The following UGT2A1 variants were observed in gnomAD, a reference collection of about 807,000 sequenced individuals.
UGT2A1 encodes UDP-glucuronosyltransferase 2A1.
Under a neutral mutation model 45.4 loss-of-function variants are expected in UGT2A1, and 61 were observed. That is an observed-to-expected ratio of 1.34 (90% CI 1.09 to 1.66). The LOEUF is 1.66. Ranked by LOEUF, UGT2A1 falls within the 40% of genes most tolerant of loss-of-function variation. UGT2A1 has a pLI of 0.00. For missense variants in UGT2A1, 649 were observed against 574.3 expected (o/e 1.13, Z -1.33); for synonymous variants, 229 against 196.2 (o/e 1.17, Z -1.40).
chr4:69,642,983 C>T (rs1037218215), intron 2 of UGT2A1, among the ~76,000 whole-genome samples: 1 of 151,032 alleles, frequency 6.6e-6, no homozygotes, highest in Non-Finnish European at 1.5e-5. Flanking sequence ...ATACCTGGTT[C>T]CATTTTTTGA....
intron 3 of UGT2A1, among the ~76,000 whole-genome samples, chr4:69,609,412 C>G (rs74627291): frequency 0.18 from 27,647 of 151,950 alleles, 2,860 homozygotes; most frequent in Non-Finnish European, 0.24. Context: ...GTTTCCCTGG[C>G]TGGCCTCAAA....
chr4:69,598,035 TAATA>T (rs1197708482), intron 4 of UGT2A1, among the ~76,000 whole-genome samples: 2 of 152,096 alleles, frequency 1.3e-5, no homozygotes, highest in Non-Finnish European at 2.9e-5. Context: ...AGGAAAAACA[TAATA>T]GGGTGTCATG....
At chr4:69,645,334 G>A (rs903080076) in intron 2 of UGT2A1, among the ~76,000 whole-genome samples, 3 of 151,708 alleles carry the variant, frequency 2.0e-5, no homozygotes, top group Admixed American at 1.3e-4. Flanking sequence ...TCCCATATTC[G>A]CTATCAGGGT....
intron 4 of UGT2A1, 93 bp downstream of exon 4, chr4:69,599,153 C>T: frequency 6.9e-7 from 1 of 1,443,056 alleles, no homozygotes; most frequent in Non-Finnish European, 9.1e-7. Flanking sequence ...AAATGTCCAG[C>T]AGCATTTATT....
At chr4:69,650,148 G>A (rs865984241) in intron 1 of UGT2A1, among the ~76,000 whole-genome samples, 11 of 152,016 alleles carry the variant, frequency 7.2e-5, no homozygotes, top group African/African-American at 1.4e-4. Flanking sequence ...TGATGTCCAC[G>A]CTCATTAATT....
Position 69,604,899 on chromosome 4 carries a change from A to G in UGT2A1, c.848-5505T>C, listed in dbSNP as rs1045323803. On this transcript the variant is annotated intron_variant, in intron 3 of 6. Coordinates refer to ENST00000286604, the MANE Select transcript of UGT2A1 (RefSeq NM_001252275.3). Reference sequence around the variant, plus strand: ...TCCTAAATATATATGCACCCAATACAGGAGCACCCAGATTCATAAAGCAAG... The same window carrying G: ...TCCTAAATATATATGCACCCAATACGGGAGCACCCAGATTCATAAAGCAAG... 3.7e-5 allele frequency among the ~76,000 whole-genome samples: 5 copies of G among 136,964 alleles called. 1 individual carries two copies. The highest frequency in any genetic ancestry group is 7.8e-5 in the Non-Finnish European group (5 of 64,318). The allele number at this position is 136,964 out of a possible 152,430, so 89.9% of individuals were successfully genotyped here. A position where few individuals can be genotyped will look rare whatever the true frequency, so the allele number is the denominator to read the frequency against.
intron 6 of UGT2A1, among the ~76,000 whole-genome samples, chr4:69,590,490 T>C (rs1718525550): frequency 6.6e-6 from 1 of 152,130 alleles, no homozygotes. Flanking sequence ...CCTGGATTCA[T>C]GAAGATGAGC....
chr4:69,618,209 G>GTGTATGTT (rs1553905701), intron 3 of UGT2A1, among the ~76,000 whole-genome samples: 88 of 110,454 alleles, frequency 8.0e-4, no homozygotes, highest in East Asian at 1.2e-3. Flanking sequence ...GTGTGTGTGT[G>GTGTATGTT]TGTGTGTATG....
intron 3 of UGT2A1, among the ~76,000 whole-genome samples, chr4:69,633,248 T>G (rs1721486744): frequency 6.6e-6 from 1 of 152,068 alleles, no homozygotes; most frequent in Non-Finnish European, 1.5e-5. Context: ...CACATAAAAA[T>G]TATACCTTAA....
At chr4:69,597,330 T>C (rs899371294) in intron 4 of UGT2A1, among the ~76,000 whole-genome samples, 12 of 152,194 alleles carry the variant, frequency 7.9e-5, no homozygotes, top group Non-Finnish European at 1.8e-4. Flanking sequence ...AGTGTGATGT[T>C]AGCTATGTGC....
At chr4:69,639,084 G>A (rs1218585691) in intron 2 of UGT2A1, 2 of 1,613,414 alleles carry the variant, frequency 1.2e-6, no homozygotes, top group South Asian at 1.1e-5. Flanking sequence ...CTCCACTGTT[G>A]ATGCTGGAGA....
chr4:69,595,397 G>A lies in UGT2A1; in HGVS notation c.997-148C>T, dbSNP rs1298385393. ...TTACAAACGTTGAGATACGTAGTAG[G>A]ACTGTTTATATGTACCTTTTTGTAA... On this transcript the variant is annotated intron_variant, in intron 4 of 6. Transcript: ENST00000286604. The A allele has an allele frequency of 4.8e-6, 4 of 836,906 alleles. No homozygotes were observed. The Admixed American group carries it at 8.0e-5, about 17-fold the overall frequency. 51.8% of individuals were successfully genotyped at this position (836,906 alleles called of 1,614,324 possible). A position where few individuals can be genotyped will look rare whatever the true frequency, so the allele number is the denominator to read the frequency against.
chr4:69,617,036 T>A (rs1720446722), intron 3 of UGT2A1, among the ~76,000 whole-genome samples: 1 of 151,860 alleles, frequency 6.6e-6, no homozygotes, highest in Non-Finnish European at 1.5e-5. Flanking sequence ...AGGATATAAT[T>A]TCAGTTTCCA....
intron 2 of UGT2A1, chr4:69,639,739 G>A (rs138215018): frequency 8.8e-5 from 102 of 1,157,418 alleles, no homozygotes; most frequent in Admixed American, 6.6e-4. Context: ...ACACTCAGTC[G>A]TAGGTCAATT....
chr4:69,626,582 A>G (rs1378653490), intron 3 of UGT2A1, among the ~76,000 whole-genome samples: 1 of 151,698 alleles, frequency 6.6e-6, no homozygotes, highest in African/African-American at 2.4e-5. Context: ...CCTTAGTGAC[A>G]CGCAGTATAC....
chr4:69,631,741 G>A (rs953033432), intron 3 of UGT2A1, among the ~76,000 whole-genome samples: 9 of 152,082 alleles, frequency 5.9e-5, no homozygotes, highest in Admixed American at 2.0e-4. Flanking sequence ...ACTACATCAG[G>A]GTATTTTGGG....
rs555877556 is a variant in UGT2A1, at chr4:69,599,490, G to GA, written c.848-97dup. 144 of 1,539,128 alleles carry GA rather than the reference G, an allele frequency of 9.4e-5. 2 individuals are homozygous for GA. The South Asian group carries it at 1.6e-3, about 18-fold the overall frequency. On this transcript the variant is annotated intron_variant, in intron 3 of 6. Transcript: ENST00000286604. ...CAGTAATTTCCTGATAAGCTGTTAA[G>GA]AAAAAACTGAATTAGGTCTTCTAGA...
intron 2 of UGT2A1, among the ~76,000 whole-genome samples, chr4:69,640,247 C>T (rs1011883116): frequency 3.3e-5 from 5 of 151,608 alleles, no homozygotes; most frequent in African/African-American, 7.3e-5. Flanking sequence ...TTTCTGACAC[C>T]GGGTAATTAT....
chr4:69,637,346 T>C (rs1197706372), intron 2 of UGT2A1, among the ~76,000 whole-genome samples: 1 of 152,072 alleles, frequency 6.6e-6, no homozygotes, highest in South Asian at 2.1e-4. Flanking sequence ...GAAAACTTTT[T>C]GATAAAAAAA....
Sources: gnomAD v4.1 joint callset for allele counts (sites outside exome capture counted in the v4.1 genomes callset) on GRCh38, gnomAD v4.1.1 for gene constraint, MANE v1.5 for transcripts, NCBI Gene and HGNC (gene_info 2026-07-23, HGNC 2026-07-21) for gene names.